RIMBP2: variants seen among roughly 807,000 people sequenced by gnomAD.
RIMBP2 encodes RIMS-binding protein 2.
RIMBP2 carries 48 observed loss-of-function variants against 118.6 expected under a neutral mutation model. That is an observed-to-expected ratio of 0.40 (90% CI 0.32 to 0.51). The LOEUF (loss-of-function observed/expected upper bound fraction) is 0.51, where lower values mean the gene tolerates loss of function less well. RIMBP2 is among the 20% of genes least tolerant of loss of function. The pLI is 0.41. For missense variants in RIMBP2, 1,551 were observed against 1,768.3 expected (o/e 0.88, Z 2.20); for synonymous variants, 762 against 742.9 (o/e 1.03, Z -0.42).
At chr12:130,563,831 G>C (rs1330751183) in intron 2 of RIMBP2, among the ~76,000 whole-genome samples, 2 of 152,134 alleles carry the variant, frequency 1.3e-5, no homozygotes, top group African/African-American at 4.8e-5. Context: ...TGAAATGTAA[G>C]TCAGCTTGCA....
At chr12:130,429,747 G>C (rs956855336) in intron 14 of RIMBP2, 2 of 152,154 alleles carry the variant, frequency 1.3e-5, no homozygotes, top group Admixed American at 1.3e-4. Context: ...GTGGGGCTGC[G>C]GGCGGAAGGT....
chr12:130,483,922 C>G (rs998464044), intron 4 of RIMBP2, among the ~76,000 whole-genome samples: 1 of 151,988 alleles, frequency 6.6e-6, no homozygotes, highest in East Asian at 1.9e-4. Flanking sequence ...GTGCCCGGAG[C>G]CCCTGTCCCC....
chr12:130,555,562 T>C (rs1449859194), intron 2 of RIMBP2, among the ~76,000 whole-genome samples: 1 of 152,184 alleles, frequency 6.6e-6, no homozygotes, highest in South Asian at 2.1e-4. Context: ...CACATTGAAG[T>C]GGTAAGTGAC....
At chr12:130,657,536 A>C (rs2063480103) in intron 1 of RIMBP2, among the ~76,000 whole-genome samples, 1 of 152,250 alleles carries the variant, frequency 6.6e-6, no homozygotes, top group Non-Finnish European at 1.5e-5. Flanking sequence ...GATGGAAGAC[A>C]GAGAAAGATC....
rs576016710 is a variant in RIMBP2 at position 130,439,296 on chromosome 12, GGTGT to G, written c.1505-784_1505-781del. Among the ~76,000 whole-genome samples, 115 of 151,576 alleles carry G rather than the reference GGTGT, an allele frequency of 7.6e-4. 1 individual carries two copies. The highest frequency in any genetic ancestry group is 2.4e-3 in the African/African-American group (101 of 41,286). The stretch of plus-strand genomic sequence containing the variant: ...TATGTACATTGTGTGTGTATATGTG[GGTGT>G]GTGTGTGGGTGTGTATAGATGTGTG... On this transcript the variant is annotated intron_variant, in intron 11 of 22. Coordinates refer to ENST00000690449, the MANE Select transcript of RIMBP2 (RefSeq NM_001393629.1).
chr12:130,674,649 A>G (rs2064357958), intron 1 of RIMBP2, among the ~76,000 whole-genome samples: 1 of 152,178 alleles, frequency 6.6e-6, no homozygotes, highest in Admixed American at 6.5e-5. Context: ...GACCATTTTT[A>G]TACAATACAG....
rs114001248 is a variant in RIMBP2, at chr12:130,542,270, T to C, written c.-216-24353A>G. Among the ~76,000 whole-genome samples, 1,305 of 148,974 alleles carry C rather than the reference T, an allele frequency of 8.8e-3. 18 individuals carry two copies. Among genetic ancestry groups the C allele is most frequent in the African/African-American group, 0.03 (1,250 of 41,416 alleles). ...CCAAGGAAAGCAAGTGCTTGGGGTT[T>C]TGGAGAAGCAGCAGGAAGTGACTGC... On this transcript the variant is annotated intron_variant, in intron 2 of 22. Transcript: ENST00000690449.
chr12:130,464,339 G>A (rs919519686), intron 6 of RIMBP2, among the ~76,000 whole-genome samples: 18 of 152,334 alleles, frequency 1.2e-4, no homozygotes, highest in South Asian at 4.1e-4. Flanking sequence ...ATTGTCCCAT[G>A]TGCTGTCTTT....
chr12:130,687,720 A>G (rs544430860), intron 1 of RIMBP2, among the ~76,000 whole-genome samples: 1 of 152,368 alleles, frequency 6.6e-6, no homozygotes, highest in African/African-American at 2.4e-5. Flanking sequence ...TCTGAAGCAT[A>G]TAGACTTTCA....
intron 2 of RIMBP2, among the ~76,000 whole-genome samples, chr12:130,587,708 T>G (rs1182290596): frequency 1.8e-5 from 2 of 109,900 alleles, no homozygotes; most frequent in Non-Finnish European, 3.7e-5. Context: ...AGGGATAGCA[T>G]TGGGAGATAT....
intron 2 of RIMBP2, among the ~76,000 whole-genome samples, chr12:130,619,999 T>C (rs2061201170): frequency 6.6e-6 from 1 of 152,134 alleles, no homozygotes; most frequent in African/African-American, 2.4e-5. Context: ...TGTGCTGAAA[T>C]CTGCCCCCTG....
chr12:130,628,687 A>C (rs975316751), intron 1 of RIMBP2, among the ~76,000 whole-genome samples: 1 of 152,178 alleles, frequency 6.6e-6, no homozygotes, highest in African/African-American at 2.4e-5. Context: ...CCTGGTATGG[A>C]ACAGTGCAAC....
chr12:130,399,644 G>T, intron 22 of RIMBP2, 35 bp downstream of exon 22: 1 of 1,612,060 alleles, frequency 6.2e-7, no homozygotes, highest in South Asian at 1.1e-5. Context: ...GGCAGAACGG[G>T]ACAGAGATTA....
chr12:130,560,109 T>C (rs764824775), intron 2 of RIMBP2, among the ~76,000 whole-genome samples: 16 of 152,178 alleles, frequency 1.1e-4, no homozygotes, highest in Non-Finnish European at 1.5e-4. Context: ...ATCTGAGATC[T>C]GGGAATGACA....
At chr12:130,455,385 A>C (rs1339721849) in intron 7 of RIMBP2, among the ~76,000 whole-genome samples, 2 of 151,912 alleles carry the variant, frequency 1.3e-5, no homozygotes, top group East Asian at 3.9e-4. Flanking sequence ...CGCCAGCGGG[A>C]GCTCCGCACG....
At chr12:130,635,084 T>G (rs1294134781) in intron 1 of RIMBP2, among the ~76,000 whole-genome samples, 1 of 152,152 alleles carries the variant, frequency 6.6e-6, no homozygotes, top group African/African-American at 2.4e-5. Flanking sequence ...ATGGAGCCCA[T>G]CCCCTGCCGT....
intron 2 of RIMBP2, among the ~76,000 whole-genome samples, chr12:130,611,640 C>T (rs2060561752): frequency 6.6e-6 from 1 of 152,202 alleles, no homozygotes; most frequent in Non-Finnish European, 1.5e-5. Flanking sequence ...TTTAGGAAGC[C>T]CTTTGCCTCT....
At chr12:130,565,394 A>G (rs1392620627) in intron 2 of RIMBP2, among the ~76,000 whole-genome samples, 1 of 152,210 alleles carries the variant, frequency 6.6e-6, no homozygotes, top group Non-Finnish European at 1.5e-5. Context: ...ACTAGGTATC[A>G]TATCATTGTC....
chr12:130,611,140 G>C (rs2060517749), intron 2 of RIMBP2, among the ~76,000 whole-genome samples: 1 of 152,202 alleles, frequency 6.6e-6, no homozygotes, highest in Admixed American at 6.5e-5. Context: ...CCTGAACTCA[G>C]CCTCAGGCCA....
Sources: allele counts gnomAD v4.1 joint callset (sites outside exome capture counted in the v4.1 genomes callset), GRCh38; gene constraint gnomAD v4.1.1; transcripts MANE v1.5; gene names NCBI Gene and HGNC (gene_info 2026-07-23, HGNC 2026-07-21).